The following NTN4 variants were observed in gnomAD, a reference collection of about 807,000 sequenced individuals.
NTN4 encodes the protein netrin 4.
Under a neutral mutation model 73.6 loss-of-function variants are expected in NTN4, and 32 were observed. The observed-to-expected ratio is 0.44, with a 90% CI of 0.33 to 0.58. The LOEUF is 0.58. NTN4 is among the 20% of genes least tolerant of loss of function. The pLI, the probability that NTN4 is intolerant of heterozygous loss-of-function variation, is 0.04. For missense variants in NTN4, 654 were observed against 798.3 expected, an observed-to-expected ratio of 0.82 and a Z score of 2.18; for synonymous variants, 258 against 287.5, an observed-to-expected ratio of 0.90 and a Z score of 1.04.
At chr12:95,747,856 A>C (rs2078873142) in intron 2 of NTN4, among the ~76,000 whole-genome samples, 1 of 152,152 alleles carries the variant, frequency 6.6e-6, no homozygotes, top group African/African-American at 2.4e-5. Flanking sequence ...AATAAACTTT[A>C]TCACTTAAAA....
Position 95,781,021 on chromosome 12 carries a change from CCAT to C in NTN4, c.585+5915_585+5917del, listed in dbSNP as rs1233622787. 2.0e-5 allele frequency among the ~76,000 whole-genome samples: 3 copies of C among 148,720 alleles called. No individual in the cohort carries two copies. Among genetic ancestry groups the C allele is most frequent in the Non-Finnish European group, 4.5e-5 (3 of 67,234 alleles). ...GTAGGGACATGGATGAAGCTGGAAACCATCATTCTCAGCAAACTATTGCAAGGA... is the reference window on the plus strand; with the variant it reads ...GTAGGGACATGGATGAAGCTGGAAACCATTCTCAGCAAACTATTGCAAGGA... On this transcript the variant is annotated intron_variant, in intron 2 of 9. Coordinates refer to ENST00000343702, the MANE Select transcript of NTN4 (RefSeq NM_021229.4). The surrounding 1 kb of genome is among the most constrained non-coding windows in gnomAD (Gnocchi z 4.1).
At chr12:95,698,678 T>C (rs1445394932) in intron 5 of NTN4, among the ~76,000 whole-genome samples, 1 of 152,018 alleles carries the variant, frequency 6.6e-6, no homozygotes, top group Non-Finnish European at 1.5e-5. Flanking sequence ...AGTGAGACCC[T>C]GTCTATACTA....
intron 2 of NTN4, among the ~76,000 whole-genome samples, chr12:95,740,350 C>T (rs897891822): frequency 6.6e-6 from 1 of 152,168 alleles, no homozygotes; most frequent in African/African-American, 2.4e-5. Context: ...CGTAGAAGCC[C>T]TCAGGATAGT....
chr12:95,753,907 C>T (rs575811058), intron 2 of NTN4, among the ~76,000 whole-genome samples: 3,817 of 151,696 alleles, frequency 0.025, 120 homozygotes, highest in African/African-American at 0.088. Flanking sequence ...CTACTATCTT[C>T]TGTCTAGTCA....
At chr12:95,734,777 C>CA (rs1425568727) in intron 3 of NTN4, among the ~76,000 whole-genome samples, 2 of 152,198 alleles carry the variant, frequency 1.3e-5, no homozygotes, top group Non-Finnish European at 2.9e-5. Flanking sequence ...TGGTGGCTCA[C>CA]ACCTGTAATC....
intron 5 of NTN4, among the ~76,000 whole-genome samples, chr12:95,704,030 GTGATCCTCCCTCCTC>G (rs1469140775): frequency 1.3e-5 from 2 of 152,010 alleles, no homozygotes; most frequent in Non-Finnish European, 2.9e-5. Context: ...GGAGGCTCAA[GTGATCCTCCCTCCTC>G]AGCCTCCTGA....
At chr12:95,730,183 C>CCCA (rs1165522349) in intron 3 of NTN4, among the ~76,000 whole-genome samples, 4 of 152,006 alleles carry the variant, frequency 2.6e-5, no homozygotes, top group Non-Finnish European at 4.4e-5. Context: ...TTTACAGTGC[C>CCCA]CCAATTTTGA....
At chr12:95,670,740 G>C (rs12426964) in intron 7 of NTN4, among the ~76,000 whole-genome samples, 20,856 of 151,156 alleles carry the variant, frequency 0.14, 1,661 homozygotes, top group African/African-American at 0.21. Context: ...TAAGTGGTCT[G>C]GGAGAGGTAC....
intron 2 of NTN4, 40 bp from the exon 3 acceptor site, chr12:95,738,184 T>C (rs1445052023): frequency 1.3e-6 from 2 of 1,554,664 alleles, no homozygotes; most frequent in South Asian, 2.4e-5. Context: ...TATAGGACTG[T>C]GCGCAAACCC....
At chr12:95,677,878 C>T (rs1472635961) in intron 7 of NTN4, among the ~76,000 whole-genome samples, 1 of 152,212 alleles carries the variant, frequency 6.6e-6, no homozygotes, top group Non-Finnish European at 1.5e-5. Context: ...TATAAAGACA[C>T]CTGCACACGT....
At chr12:95,672,212 C>T in intron 7 of NTN4, 3 of 463,568 alleles carry the variant, frequency 6.5e-6, no homozygotes, top group South Asian at 4.2e-5. Flanking sequence ...TTGCGGGGGG[C>T]GGGCGGGGGG....
At chr12:95,737,481 C>T (rs919093197) in intron 3 of NTN4, among the ~76,000 whole-genome samples, 2 of 152,106 alleles carry the variant, frequency 1.3e-5, no homozygotes, top group South Asian at 2.1e-4. Flanking sequence ...GGCATAAAAT[C>T]GAGGTTCTTA....
rs1039799114 is a variant in NTN4 at position 95,657,851 on chromosome 12, T to G, written c.*1235A>C. The G allele has an allele frequency of 6.6e-6, 1 of 152,338 alleles. No individual in the cohort carries two copies. The highest frequency in any genetic ancestry group is 1.5e-5 in the Non-Finnish European group (1 of 67,990). 9.4% of individuals were successfully genotyped at this position (152,338 alleles called of 1,614,324 possible). A position where few individuals can be genotyped will look rare whatever the true frequency, so the allele number is the denominator to read the frequency against. On this transcript the variant is annotated 3_prime_UTR_variant, in exon 10 of 10. Transcript: ENST00000343702. ...TACATATATGAAATATAAAAACAAA[T>G]TAACAAAGCAATATATATATATATT...
intron 2 of NTN4, among the ~76,000 whole-genome samples, chr12:95,760,927 C>T (rs1467197400): frequency 6.6e-6 from 1 of 152,108 alleles, no homozygotes; most frequent in Non-Finnish European, 1.5e-5. Flanking sequence ...CTTTTTTACT[C>T]CATCTCCCTT....
In NTN4 at chr12:95,790,623, A is replaced by G. The variant is rs369603556; in HGVS notation, c.-314T>C. 9.1e-5 allele frequency: 19 copies of G among 209,538 alleles called. No individual in the cohort carries two copies. The East Asian group carries it at 1.6e-3, about 17-fold the overall frequency. 13.0% of individuals were successfully genotyped at this position (209,538 alleles called of 1,614,324 possible). On this transcript the variant is annotated 5_prime_UTR_variant, in exon 1 of 10. Coordinates refer to ENST00000343702, the MANE Select transcript of NTN4 (RefSeq NM_021229.4). The surrounding 1 kb of genome is among the most constrained non-coding windows in gnomAD (Gnocchi z 6.5). ...CGGCCCTGCGGGCTCGTCTGCCGCT[A>G]GCCCGGGGCTCGGCGCCCGCAGCCG...
chr12:95,659,664 G>A (rs1322333689), intron 9 of NTN4, among the ~76,000 whole-genome samples: 1 of 152,128 alleles, frequency 6.6e-6, no homozygotes, highest in Non-Finnish European at 1.5e-5. Flanking sequence ...CTGCCATTTA[G>A]TAAGCATTTA....
chr12:95,761,588 C>CAA (rs2078988464), intron 2 of NTN4, among the ~76,000 whole-genome samples: 1 of 152,134 alleles, frequency 6.6e-6, no homozygotes, highest in Non-Finnish European at 1.5e-5. Flanking sequence ...CCACCTTGGC[C>CAA]TCCCAAAGTG....
chr12:95,692,550 C>T (rs2078409251), intron 5 of NTN4, among the ~76,000 whole-genome samples: 1 of 152,182 alleles, frequency 6.6e-6, no homozygotes, highest in Non-Finnish European at 1.5e-5. Context: ...AGCAGGGCCC[C>T]TGCAGCATTT....
At chr12:95,749,277 G>T (rs917591866) in intron 2 of NTN4, among the ~76,000 whole-genome samples, 2 of 152,142 alleles carry the variant, frequency 1.3e-5, no homozygotes, top group Non-Finnish European at 2.9e-5. Flanking sequence ...ACATGGACGC[G>T]CATGAAATTT....
Sources: gnomAD v4.1 joint callset for allele counts (sites outside exome capture counted in the v4.1 genomes callset) on GRCh38, gnomAD v4.1.1 for gene constraint, Gnocchi (gnomAD v3.1) non-coding constraint, MANE v1.5 for transcripts, NCBI Gene and HGNC (gene_info 2026-07-23, HGNC 2026-07-21) for gene names.